Variants in DLG2 observed in about 807,000 individuals in gnomAD.
The protein encoded by DLG2 is discs large MAGUK scaffold protein 2.
Under a neutral mutation model 132.5 loss-of-function variants are expected in DLG2, and 45 were observed. The observed-to-expected ratio is 0.34, with a 90% CI of 0.27 to 0.44. DLG2 has a LOEUF of 0.44. Among genes scored for constraint, DLG2 ranks in the 20% least tolerant of loss-of-function variants. The pLI is 1.00. For missense variants in DLG2, 1,045 were observed against 1,196.9 expected (o/e 0.87, Z 1.87); for synonymous variants, 424 against 419.6 (o/e 1.01, Z -0.13).
intron 7 of DLG2, among the ~76,000 whole-genome samples, chr11:84,378,696 T>G (rs569830053): frequency 4.0e-4 from 61 of 151,748 alleles, no homozygotes; most frequent in African/African-American, 1.3e-3. Flanking sequence ...TTTGGGTGGC[T>G]GAGGTGGGCG....
In DLG2 at chr11:85,412,725, T is replaced by TCTCACA. The variant is rs1555108877; in HGVS notation, c.41-127361_41-127360insTGTGAG. 1.6e-4 allele frequency among the ~76,000 whole-genome samples: 15 copies of TCTCACA among 92,276 alleles called. No homozygotes were observed. The South Asian group carries it at 2.2e-3, about 14-fold the overall frequency. 60.5% of individuals were successfully genotyped at this position (92,276 alleles called of 152,430 possible). On this transcript the variant is annotated intron_variant, in intron 3 of 27. Coordinates refer to ENST00000376104, the MANE Select transcript of DLG2 (RefSeq NM_001142699.3). The stretch of plus-strand genomic sequence containing the variant: ...TTCCTTTTGATGGCTGAGCAGTATT[T>TCTCACA]CACACACACACACACACACACACAC...
At chr11:84,511,988 T>A (rs2099258315) in intron 7 of DLG2, among the ~76,000 whole-genome samples, 1 of 152,104 alleles carries the variant, frequency 6.6e-6, no homozygotes, top group African/African-American at 2.4e-5. Context: ...ACGCTCGAGG[T>A]CACATACCTA....
At chr11:84,564,425 G>T (rs1367940480) in intron 6 of DLG2, among the ~76,000 whole-genome samples, 1 of 152,132 alleles carries the variant, frequency 6.6e-6, no homozygotes. Context: ...TTAAACCCTT[G>T]AAAGATCCCA....
At chr11:83,515,130 G>C (rs894974621) in intron 21 of DLG2, among the ~76,000 whole-genome samples, 1 of 152,154 alleles carries the variant, frequency 6.6e-6, no homozygotes, top group African/African-American at 2.4e-5. Flanking sequence ...ACCTCTGGTA[G>C]AATTCGGCTG....
At chr11:84,362,487 A>T (rs971282114) in intron 7 of DLG2, among the ~76,000 whole-genome samples, 1 of 151,150 alleles carries the variant, frequency 6.6e-6, no homozygotes, top group African/African-American at 2.4e-5. Context: ...GAATTCAAAT[A>T]ATCCTCTTTT....
intron 6 of DLG2, among the ~76,000 whole-genome samples, chr11:84,940,915 G>C (rs2049329312): frequency 6.6e-6 from 1 of 152,160 alleles, no homozygotes; most frequent in Non-Finnish European, 1.5e-5. Context: ...TATAGTAAGA[G>C]ATAGCATCTA....
chr11:84,988,524 T>C (rs149391433), intron 6 of DLG2, among the ~76,000 whole-genome samples: 383 of 152,364 alleles, frequency 2.5e-3, no homozygotes, highest in African/African-American at 8.6e-3. Flanking sequence ...ACATATATGA[T>C]GGAATGCTAC....
chr11:84,232,665 G>T (rs1439994811), intron 8 of DLG2, among the ~76,000 whole-genome samples: 4 of 152,128 alleles, frequency 2.6e-5, no homozygotes, highest in African/African-American at 9.7e-5. Flanking sequence ...CAGAAGGATG[G>T]TTATCTGCAA....
At chr11:84,102,933 T>C (rs1030032374) in intron 9 of DLG2, among the ~76,000 whole-genome samples, 1 of 152,112 alleles carries the variant, frequency 6.6e-6, no homozygotes, top group Non-Finnish European at 1.5e-5. Context: ...CTAATATACA[T>C]TCCCCTGTCC....
chr11:84,184,494 C>T (rs2096232880), intron 8 of DLG2, among the ~76,000 whole-genome samples: 1 of 151,718 alleles, frequency 6.6e-6, no homozygotes, highest in Non-Finnish European at 1.5e-5. Context: ...GAGTAGATTG[C>T]AAAAATTTTC....
At chr11:84,691,123 G>T (rs1276059313) in intron 6 of DLG2, among the ~76,000 whole-genome samples, 2 of 151,766 alleles carry the variant, frequency 1.3e-5, no homozygotes, top group Non-Finnish European at 2.9e-5. Context: ...CAGCTCAAAT[G>T]CCACTTCCTT....
chr11:84,697,896 A>C (rs1029661137), intron 6 of DLG2, among the ~76,000 whole-genome samples: 1 of 151,528 alleles, frequency 6.6e-6, no homozygotes, highest in Non-Finnish European at 1.5e-5. Context: ...CACAAGGTGT[A>C]TTTGTTTTCC....
chr11:85,257,245 C>T (rs2076717845), intron 4 of DLG2, among the ~76,000 whole-genome samples: 1 of 152,066 alleles, frequency 6.6e-6, no homozygotes, highest in Non-Finnish European at 1.5e-5. Context: ...AAATCACATT[C>T]CATTTATTGG....
In DLG2 at chr11:84,459,361, C is replaced by A. The variant is rs537442109; in HGVS notation, c.519+75209G>T. ...ACAAATAGCCCACTTACTGTTATAC[C>A]TTTTGACAAATAATATCACTTCTCT... is the stretch of plus-strand genomic sequence containing the variant. On this transcript the variant is annotated intron_variant, in intron 7 of 27. Coordinates refer to ENST00000376104, the MANE Select transcript of DLG2 (RefSeq NM_001142699.3). 1.5e-4 allele frequency among the ~76,000 whole-genome samples: 22 copies of A among 150,630 alleles called. 1 individual carries two copies. The South Asian group carries it at 4.6e-3, about 31-fold the overall frequency.
At chr11:85,023,663 G>T (rs1375289232) in intron 6 of DLG2, among the ~76,000 whole-genome samples, 1 of 151,942 alleles carries the variant, frequency 6.6e-6, no homozygotes, top group Non-Finnish European at 1.5e-5. Context: ...TGTAATAGAA[G>T]TATATTGTAC....
At chr11:83,713,298 A>G (rs917766163) in intron 18 of DLG2, among the ~76,000 whole-genome samples, 2 of 152,206 alleles carry the variant, frequency 1.3e-5, no homozygotes, top group African/African-American at 4.8e-5. Flanking sequence ...GGAATTTAGA[A>G]GGTTGCTTTA....
chr11:84,945,502 A>G (rs1006887195), intron 6 of DLG2, among the ~76,000 whole-genome samples: 2 of 152,164 alleles, frequency 1.3e-5, no homozygotes, highest in Non-Finnish European at 2.9e-5. Flanking sequence ...ACTGTGCTGG[A>G]TCAGACCTGA....
chr11:84,502,336 T>TTCTTTCTTTCTTTCTC (rs1567805904), intron 7 of DLG2, among the ~76,000 whole-genome samples: 1 of 29,724 alleles, frequency 3.4e-5, no homozygotes, highest in Non-Finnish European at 6.0e-5. Context: ...CTTTCTTTCT[T>TTCTTTCTTTCTTTCTC]TCTTTCTTTC....
At chr11:83,733,868 C>G (rs974662179) in intron 18 of DLG2, among the ~76,000 whole-genome samples, 1 of 152,132 alleles carries the variant, frequency 6.6e-6, no homozygotes. Context: ...AACCATCACC[C>G]AAATAGTGAA....
Sources: gnomAD v4.1 joint callset for allele counts (sites outside exome capture counted in the v4.1 genomes callset) on GRCh38, gnomAD v4.1.1 for gene constraint, MANE v1.5 for transcripts, NCBI Gene and HGNC (gene_info 2026-07-23, HGNC 2026-07-21) for gene names.